UNC45B: variants seen among roughly 807,000 people sequenced by gnomAD.
UNC45B encodes the protein unc-45 myosin chaperone B, also known as protein unc-45 homolog B.
Under a neutral mutation model 98.7 loss-of-function variants are expected in UNC45B, and 78 were observed. That is an observed-to-expected ratio of 0.79 (90% CI 0.66 to 0.95). UNC45B has a LOEUF of 0.95. UNC45B is among the 40% of genes least tolerant of loss of function. The probability of loss-of-function intolerance (pLI) is 0.00; values close to 1 mark genes in which losing one functional copy is unlikely to be tolerated. For missense variants in UNC45B, 1,225 were observed against 1,184.9 expected, an observed-to-expected ratio of 1.03 and a Z score of -0.50; for synonymous variants, 462 against 480.4, an observed-to-expected ratio of 0.96 and a Z score of 0.50.
chr17:35,156,534 A>T (rs1479261962), intron 7 of UNC45B, among the ~76,000 whole-genome samples: 1 of 152,142 alleles, frequency 6.6e-6, no homozygotes, highest in Admixed American at 6.5e-5. Flanking sequence ...GCTGAAGCAG[A>T]AGAATCGTTT....
intron 17 of UNC45B, 52 bp downstream of exon 17, chr17:35,177,662 T>G: frequency 7.4e-7 from 1 of 1,358,630 alleles, no homozygotes; most frequent in Non-Finnish European, 1.0e-6. Flanking sequence ...AAAAAGTGTT[T>G]GTTTGAAATT....
intron 9 of UNC45B, among the ~76,000 whole-genome samples, chr17:35,166,511 C>T (rs891210168): frequency 6.6e-6 from 1 of 152,168 alleles, no homozygotes; most frequent in Non-Finnish European, 1.5e-5. Context: ...GAGGCTCCCT[C>T]CTGTCAGCCT....
At chr17:35,162,080 G>A (rs554565581) in intron 8 of UNC45B, among the ~76,000 whole-genome samples, 5 of 152,254 alleles carry the variant, frequency 3.3e-5, no homozygotes, top group Non-Finnish European at 5.9e-5. Flanking sequence ...TGTTTTTGTT[G>A]TTGTTGTTGT....
At chr17:35,171,612 T>A in intron 13 of UNC45B, 150 bp downstream of exon 13, 3 of 849,952 alleles carry the variant, frequency 3.5e-6, no homozygotes, top group Non-Finnish European at 5.1e-6. Flanking sequence ...ATGTTAATGG[T>A]AAACTTTCCC....
intron 15 of UNC45B, 37 bp downstream of exon 15, chr17:35,176,071 T>C: frequency 6.2e-7 from 1 of 1,601,854 alleles, no homozygotes; most frequent in East Asian, 2.2e-5. Flanking sequence ...GGTGCCTTTG[T>C]GCATGCTCTT....
intron 13 of UNC45B, 87 bp from the exon 14 acceptor site, chr17:35,174,155 A>C: frequency 6.4e-7 from 1 of 1,571,332 alleles, no homozygotes; most frequent in Admixed American, 1.7e-5. Context: ...CAACCCCAAG[A>C]ATTCAGAAAT....
intron 9 of UNC45B, among the ~76,000 whole-genome samples, chr17:35,167,440 C>A (rs896141217): frequency 1.3e-5 from 2 of 152,050 alleles, no homozygotes; most frequent in East Asian, 3.8e-4. Flanking sequence ...GGCAACATAG[C>A]AAGATCCCAT....
In UNC45B at chr17:35,187,471, A is replaced by G. The variant is rs1260482792; in HGVS notation, c.*912A>G. On this transcript the variant is annotated 3_prime_UTR_variant, in exon 20 of 20. Transcript: ENST00000394570. Reference sequence around the variant, plus strand: ...TAGTTCATTATGGAATAGAAGAGAGAAGAGCATTCTCAATAACCCGGCAAA... The same window carrying G: ...TAGTTCATTATGGAATAGAAGAGAGGAGAGCATTCTCAATAACCCGGCAAA... The G allele has an allele frequency of 6.6e-6, 1 of 152,220 alleles. No homozygotes were observed. The highest frequency in any genetic ancestry group is 1.5e-5 in the Non-Finnish European group (1 of 68,038). 9.4% of individuals were successfully genotyped at this position (152,220 alleles called of 1,614,324 possible).
At chr17:35,156,204 TGGC>T (rs1263956938) in intron 7 of UNC45B, among the ~76,000 whole-genome samples, 1 of 151,964 alleles carries the variant, frequency 6.6e-6, no homozygotes, top group Non-Finnish European at 1.5e-5. Flanking sequence ...AGAGGGGAAA[TGGC>T]GGGTTATTTT....
rs140998171 is a variant in UNC45B at position 35,168,217 on chromosome 17, G to A, written c.1308G>A (p.Thr436=). The A allele has an allele frequency of 4.5e-5, 72 of 1,593,462 alleles. No individual in the cohort carries two copies. In the Middle Eastern group the frequency reaches 1.0e-3, roughly 22 times the overall value. ...MVALCGSERE[T]DQLVAVEALI... ...CACTATGTGGCTCAGAGCGCGAGAC[G>A]GACCAGCTGGTGGCCGTGGAGGCCC... Residue 436 remains threonine (T), a synonymous_variant, in exon 10 of 20, where the codon ACG becomes ACA. Coordinates refer to ENST00000394570, the MANE Select transcript of UNC45B (RefSeq NM_001267052.2).
intron 16 of UNC45B, 80 bp downstream of exon 16, chr17:35,177,210 C>A: frequency 7.6e-7 from 1 of 1,323,002 alleles, no homozygotes; most frequent in Non-Finnish European, 1.1e-6. Flanking sequence ...GTCATTCTAC[C>A]TCGAGCCTGG....
At chr17:35,156,822 A>G (rs2092065920) in intron 7 of UNC45B, among the ~76,000 whole-genome samples, 1 of 152,146 alleles carries the variant, frequency 6.6e-6, no homozygotes, top group African/African-American at 2.4e-5. Context: ...TAAACCATCA[A>G]TATTTAACAA....
rs373417277 is a variant in UNC45B, at chr17:35,154,751, C to A, written c.639+10C>A. Reference sequence around the variant, plus strand: ...CGGCCACCAAGCCAGAGTAAGTGCCCGGCTGTGGGGCATGTGGAGCAGACG... The same window carrying A: ...CGGCCACCAAGCCAGAGTAAGTGCCAGGCTGTGGGGCATGTGGAGCAGACG... On this transcript the variant is annotated intron_variant, in intron 6 of 19. Transcript: ENST00000394570. The A allele has an allele frequency of 3.0e-5, 47 of 1,570,804 alleles. No homozygotes were observed. The highest frequency in any genetic ancestry group is 3.7e-5 in the Non-Finnish European group (43 of 1,163,644).
At chr17:35,176,797 TGGGA>T (rs2092237103) in intron 15 of UNC45B, among the ~76,000 whole-genome samples, 1 of 152,178 alleles carries the variant, frequency 6.6e-6, no homozygotes, top group African/African-American at 2.4e-5. Flanking sequence ...TTTAGGTGGG[TGGGA>T]GGAAGTGGGG....
At chr17:35,180,704 C>T (rs753549808) in intron 18 of UNC45B, 28 bp downstream of exon 18, 13 of 1,588,266 alleles carry the variant, frequency 8.2e-6, no homozygotes, top group South Asian at 3.3e-5. Context: ...GATGGAGACC[C>T]GGGCGTGATC....
At chr17:35,156,889 AAT>A (rs1305850720) in intron 7 of UNC45B, among the ~76,000 whole-genome samples, 28 of 152,160 alleles carry the variant, frequency 1.8e-4, no homozygotes, top group African/African-American at 6.8e-4. Context: ...GCATTATATT[AAT>A]ATTGCATACC....
intron 6 of UNC45B, among the ~76,000 whole-genome samples, chr17:35,155,020 A>G (rs2092048435): frequency 1.3e-5 from 2 of 152,248 alleles, no homozygotes; most frequent in African/African-American, 2.4e-5. Flanking sequence ...ACACTACAGC[A>G]TATCTCCATA....
chr17:35,153,156 G>C (rs2092033187), intron 5 of UNC45B, among the ~76,000 whole-genome samples, 174 bp downstream of exon 5: 1 of 152,138 alleles, frequency 6.6e-6, no homozygotes, highest in Non-Finnish European at 1.5e-5. Flanking sequence ...ACTGAGATTT[G>C]GGTGAATCTA....
chr17:35,150,261 GC>G (rs1276568264), intron 4 of UNC45B, 38 bp downstream of exon 4: 3 of 1,578,368 alleles, frequency 1.9e-6, no homozygotes, highest in Non-Finnish European at 2.6e-6. Flanking sequence ...TGGCTGCCCA[GC>G]CCCTCTCTTC....
Sources: gnomAD v4.1 joint callset for allele counts (sites outside exome capture counted in the v4.1 genomes callset) on GRCh38, gnomAD v4.1.1 for gene constraint, MANE v1.5 for transcripts, NCBI Gene and HGNC (gene_info 2026-07-23, HGNC 2026-07-21) for gene names.